CNN2: variants seen among roughly 807,000 people sequenced by gnomAD.
CNN2 encodes the protein calponin-2.
A neutral mutation model predicts 31.0 loss-of-function variants in CNN2; 21 were observed. The observed-to-expected ratio is 0.68, with a 90% CI of 0.48 to 0.98. CNN2 has a LOEUF of 0.98. CNN2 is among the 50% of genes least tolerant of loss of function. CNN2 has a pLI of 0.00. For missense variants in CNN2, 399 were observed against 427.3 expected (o/e 0.93, Z 0.58); for synonymous variants, 165 against 179.6 (o/e 0.92, Z 0.65).
chr19:1,027,615 C>T (rs1475037719), intron 1 of CNN2, among the ~76,000 whole-genome samples: 1 of 152,174 alleles, frequency 6.6e-6, no homozygotes, highest in African/African-American at 2.4e-5. Context: ...ACAGCAGGGT[C>T]CTGGACAGGA....
intron 1 of CNN2, among the ~76,000 whole-genome samples, chr19:1,028,669 G>T (rs2039438524): frequency 6.6e-6 from 1 of 151,306 alleles, no homozygotes; most frequent in Non-Finnish European, 1.5e-5. Context: ...TGGTGAACAG[G>T]AATGTGCTGG....
chr19:1,034,318 GAC>G (rs1175432779), intron 4 of CNN2, among the ~76,000 whole-genome samples: 1 of 1,904 alleles, frequency 5.3e-4, no homozygotes, highest in Non-Finnish European at 1.0e-3. Flanking sequence ...GCGTGGGTGG[GAC>G]ACGGTGTCTG....
At chr19:1,028,104 G>C (rs1322881987) in intron 1 of CNN2, among the ~76,000 whole-genome samples, 1 of 152,180 alleles carries the variant, frequency 6.6e-6, no homozygotes, top group East Asian at 1.9e-4. Flanking sequence ...CCGGCTAAGG[G>C]CACCGGTGTC....
chr19:1,031,340 G>GGGGGGGGA, intron 2 of CNN2, 148 bp downstream of exon 2: 1 of 217,716 alleles, frequency 4.6e-6, no homozygotes, highest in Non-Finnish European at 8.0e-6. Context: ...GAGGGTGGTG[G>GGGGGGGGA]CGGGGGGCGG....
chr19:1,033,095 C>T (rs910752792), intron 4 of CNN2, among the ~76,000 whole-genome samples: 32 of 151,792 alleles, frequency 2.1e-4, no homozygotes, highest in African/African-American at 7.3e-4. Flanking sequence ...ACAAATATTT[C>T]TGAGCATCCG....
intron 6 of CNN2, 65 bp downstream of exon 6, chr19:1,036,627 C>T (rs2039591665): frequency 6.3e-7 from 1 of 1,599,024 alleles, no homozygotes; most frequent in African/African-American, 1.3e-5. Context: ...GTCTCGGCCC[C>T]TCCCTGGGGC....
chr19:1,031,283 C>T (rs2039488145), intron 2 of CNN2, 91 bp downstream of exon 2: 12 of 1,057,398 alleles, frequency 1.1e-5, no homozygotes, highest in Middle Eastern at 2.7e-4. Context: ...TTTGGGGGGC[C>T]GGGCATGGCC....
Position 1,037,516 on chromosome 19 carries a change from C to T in CNN2, c.655-109C>T. On this transcript the variant is annotated intron_variant, in intron 6 of 6. Transcript: ENST00000263097. ...GGAACTCCTGACCTCAGGTGATCCT[C>T]CCACCTTGGCCTCCCAAAGTGCTGG... 1.1e-5 allele frequency: 15 copies of T among 1,379,874 alleles called. No individual in the cohort carries two copies. The South Asian group carries it at 1.8e-4, about 17-fold the overall frequency. The allele number at this position is 1,379,874 out of a possible 1,614,324, so 85.5% of individuals were successfully genotyped here. A position where few individuals can be genotyped will look rare whatever the true frequency, so the allele number is the denominator to read the frequency against.
At position 1,037,827 on chromosome 19, in the gene CNN2, GCACCGGCGACTGCCCGGA is replaced by G; in HGVS notation, c.859_876del (p.Thr287_Asp292del). On this transcript the variant is annotated inframe_deletion, in exon 7 of 7. Transcript: ENST00000263097. ...ACAGTGGCCGATGGGGCTCCCTCGGGCACCGGCGACTGCCCGGACCCGGGGGAGGTCCCTGAATATCCC... is the reference window on the plus strand; with the variant it reads ...ACAGTGGCCGATGGGGCTCCCTCGGGCCCGGGGGAGGTCCCTGAATATCCC... 1.9e-6 allele frequency: 3 copies of G among 1,608,212 alleles called. No individual in the cohort carries two copies. The highest frequency in any genetic ancestry group is 2.5e-6 in the Non-Finnish European group (3 of 1,177,368).
chr19:1,030,958 CTCTATCTGCTGTTGCCCTGG>C (rs2039479506), intron 1 of CNN2, 93 bp from the exon 2 acceptor site: 1 of 1,352,930 alleles, frequency 7.4e-7, no homozygotes, highest in South Asian at 1.4e-5. Context: ...CTCCAGGCCG[CTCTATCTGCTGTTGCCCTGG>C]AGTCCCCGGC....
At chr19:1,035,165 G>A (rs1357868381) in intron 4 of CNN2, among the ~76,000 whole-genome samples, 1 of 127,100 alleles carries the variant, frequency 7.9e-6, no homozygotes, top group African/African-American at 3.0e-5. Context: ...TGGGTGGGAC[G>A]GTGTCTGGTG....
In CNN2 at chr19:1,037,775, T is replaced by C. The variant is rs1415932228; in HGVS notation, c.805T>C (p.Tyr269His). 2.5e-6 allele frequency: 4 copies of C among 1,611,626 alleles called. No individual in the cohort carries two copies. The highest frequency in any genetic ancestry group is 2.2e-5 in the East Asian group (1 of 44,884). The change falls in exon 7 of 7, where the codon TAT becomes CAT. Residue 269 changes from tyrosine to histidine, a missense_variant. Transcript: ENST00000263097. ...GQVFGLGRQI[Y>H]DPKYCPQGTV... ...GGTCTTCGGCCTGGGCCGGCAGATA[T>C]ATGACCCCAAGTACTGCCCGCAAGG...
At chr19:1,035,792 C>G (rs913260657) in intron 4 of CNN2, among the ~76,000 whole-genome samples, 5 of 152,142 alleles carry the variant, frequency 3.3e-5, no homozygotes, top group Non-Finnish European at 7.4e-5. Flanking sequence ...CGTGGTGGCA[C>G]ACGCCTGTAA....
At chr19:1,027,784 C>T (rs2039422737) in intron 1 of CNN2, among the ~76,000 whole-genome samples, 1 of 152,008 alleles carries the variant, frequency 6.6e-6, no homozygotes, top group South Asian at 2.1e-4. Context: ...TTACAGCTGA[C>T]TTCTGCAGGG....
chr19:1,035,638 A>G (rs1468335824), intron 4 of CNN2, among the ~76,000 whole-genome samples: 1 of 152,172 alleles, frequency 6.6e-6, no homozygotes, highest in African/African-American at 2.4e-5. Flanking sequence ...AAGCAGCCCC[A>G]TGGGCTGGGC....
intron 1 of CNN2, 48 bp downstream of exon 1, chr19:1,026,772 G>T (rs915737350): frequency 2.6e-6 from 4 of 1,528,276 alleles, no homozygotes; most frequent in African/African-American, 1.4e-5. Flanking sequence ...GCCGTCGCAC[G>T]CTCCGACCGG....
In CNN2 at chr19:1,026,615, T is replaced by TCCCGTCCCGTCCTGTGCGGC. The variant is rs2039398737; in HGVS notation, c.-37_-18dup. The TCCCGTCCCGTCCTGTGCGGC allele has an allele frequency of 2.7e-6, 4 of 1,457,054 alleles. No individual in the cohort carries two copies. The highest frequency in any genetic ancestry group is 3.7e-6 in the Non-Finnish European group (4 of 1,092,916). 90.3% of individuals were successfully genotyped at this position (1,457,054 alleles called of 1,614,324 possible). A position where few individuals can be genotyped will look rare whatever the true frequency, so the allele number is the denominator to read the frequency against. On this transcript the variant is annotated 5_prime_UTR_variant, in exon 1 of 7. Transcript: ENST00000263097. ...ACCCCGCGCCAGCCCGGCGGTCCCGTCCCGTCCCGTCCTGTGCGGCCCCGT... is the reference window on the plus strand; with the variant it reads ...ACCCCGCGCCAGCCCGGCGGTCCCGTCCCGTCCCGTCCTGTGCGGCCCCGTCCCGTCCTGTGCGGCCCCGT...
At chr19:1,031,959 G>A (rs1039187037) in intron 2 of CNN2, among the ~76,000 whole-genome samples, 9 of 152,052 alleles carry the variant, frequency 5.9e-5, no homozygotes, top group Non-Finnish European at 1.3e-4. Flanking sequence ...GCCTGGGATG[G>A]TGGCTCACGC....
chr19:1,030,972 G>C, intron 1 of CNN2, 99 bp from the exon 2 acceptor site: 1 of 1,432,664 alleles, frequency 7.0e-7, no homozygotes, highest in Non-Finnish European at 9.4e-7. Flanking sequence ...ATCTGCTGTT[G>C]CCCTGGAGTC....
Sources: gnomAD v4.1 joint callset for allele counts (sites outside exome capture counted in the v4.1 genomes callset) on GRCh38, gnomAD v4.1.1 for gene constraint, MANE v1.5 for transcripts, NCBI Gene and HGNC (gene_info 2026-07-23, HGNC 2026-07-21) for gene names.